Variants in PDE10A observed in about 807,000 individuals in gnomAD.
PDE10A encodes the protein phosphodiesterase 10A, also known as cAMP and cAMP-inhibited cGMP 3',5'-cyclic phosphodiesterase 10A.
PDE10A carries 39 observed loss-of-function variants against 97.7 expected under a neutral mutation model. That is an observed-to-expected ratio of 0.40 (90% CI 0.31 to 0.52). PDE10A has a LOEUF of 0.52. Ranked by LOEUF, PDE10A falls within the 20% of genes least tolerant of loss-of-function variation. The pLI, the probability that PDE10A is intolerant of heterozygous loss-of-function variation, is 0.56. For synonymous variants in PDE10A, 371 were observed against 376.8 expected (o/e 0.98, Z 0.18); for missense variants, 731 against 1,047.8 (o/e 0.70, Z 4.17).
At chr6:165,362,707 C>A (rs984897579) in intron 18 of PDE10A, among the ~76,000 whole-genome samples, 6 of 152,146 alleles carry the variant, frequency 3.9e-5, no homozygotes, top group Non-Finnish European at 8.8e-5. Context: ...TACTTCCCAG[C>A]TAATTCCATG....
At chr6:165,642,507 T>C (rs1789184791) in intron 1 of PDE10A, among the ~76,000 whole-genome samples, 2 of 152,244 alleles carry the variant, frequency 1.3e-5, no homozygotes, top group Admixed American at 6.5e-5. Context: ...GGTAGTGCTC[T>C]GCAAAGCACT....
intron 1 of PDE10A, among the ~76,000 whole-genome samples, chr6:165,942,110 G>C (rs962428396): frequency 8.6e-5 from 13 of 151,936 alleles, no homozygotes; most frequent in Admixed American, 8.5e-4. Context: ...GCACATTTGG[G>C]GTTTTCTCAT....
chr6:165,361,539 T>C (rs527643402), intron 18 of PDE10A, among the ~76,000 whole-genome samples: 2 of 152,278 alleles, frequency 1.3e-5, no homozygotes, highest in South Asian at 4.1e-4. Context: ...CTTCCAGACA[T>C]AATTCGTTAA....
intron 1 of PDE10A, among the ~76,000 whole-genome samples, chr6:165,734,251 G>C (rs915997545): frequency 3.9e-5 from 6 of 152,036 alleles, no homozygotes; most frequent in Non-Finnish European, 7.4e-5. Flanking sequence ...ACCCACACTG[G>C]GTGGGCTTCG....
chr6:165,618,178 C>A (rs1269212957), intron 1 of PDE10A, among the ~76,000 whole-genome samples: 1 of 152,148 alleles, frequency 6.6e-6, no homozygotes, highest in Non-Finnish European at 1.5e-5. Flanking sequence ...TGTATATTTG[C>A]TACATTGCTA....
rs931562943 is a variant in PDE10A, at chr6:165,327,765, G to C, written c.*5260C>G. 5.3e-5 allele frequency: 8 copies of C among 152,198 alleles called. No individual in the cohort carries two copies. Among genetic ancestry groups the C allele is most frequent in the African/African-American group, 1.9e-4 (8 of 41,446 alleles). 9.4% of individuals were successfully genotyped at this position (152,198 alleles called of 1,614,324 possible). A position where few individuals can be genotyped will look rare whatever the true frequency, so the allele number is the denominator to read the frequency against. ...ATCAACTATGATAAAGTTAGATACT[G>C]TTAACTTGAAATTCTTTCTCCTTCC... On this transcript the variant is annotated 3_prime_UTR_variant, in exon 22 of 22. Coordinates refer to ENST00000539869, the MANE Select transcript of PDE10A (RefSeq NM_001385079.1).
intron 1 of PDE10A, among the ~76,000 whole-genome samples, chr6:165,862,002 G>A (rs1780918530): frequency 6.6e-6 from 1 of 152,194 alleles, no homozygotes; most frequent in Non-Finnish European, 1.5e-5. Flanking sequence ...CACATGCAGT[G>A]CAGTCACATC....
intron 1 of PDE10A, among the ~76,000 whole-genome samples, chr6:165,619,659 ATAGTCTAGTGTAGTG>A (rs1382611302): frequency 7.5e-5 from 5 of 66,324 alleles, no homozygotes; most frequent in Non-Finnish European, 1.3e-4. Context: ...CTAGTGTAGT[ATAGTCTAGTGTAGTG>A]TAGTCTAGTG....
intron 1 of PDE10A, among the ~76,000 whole-genome samples, chr6:165,692,577 C>T (rs1051258315): frequency 5.3e-5 from 8 of 152,152 alleles, no homozygotes; most frequent in South Asian, 4.1e-4. Flanking sequence ...TGCTGGTCTT[C>T]GTGCCTGTCC....
At chr6:165,720,826 G>A (rs1582990732) in intron 1 of PDE10A, among the ~76,000 whole-genome samples, 1 of 152,270 alleles carries the variant, frequency 6.6e-6, no homozygotes, top group East Asian at 1.9e-4. Flanking sequence ...TCCAGAAATG[G>A]AAGGTGGTCT....
intron 1 of PDE10A, among the ~76,000 whole-genome samples, chr6:165,706,279 C>T (rs147487291): frequency 5.3e-4 from 81 of 151,892 alleles, no homozygotes; most frequent in Middle Eastern, 3.4e-3. Context: ...TAATGATTTC[C>T]CTTTGCCTTA....
chr6:165,485,081 T>C (rs1320957736), intron 2 of PDE10A, among the ~76,000 whole-genome samples: 2 of 152,196 alleles, frequency 1.3e-5, no homozygotes, highest in African/African-American at 2.4e-5. Flanking sequence ...ATGCACATTC[T>C]TCAAGTCCAC....
At chr6:165,491,518 T>G (rs1432261365) in intron 2 of PDE10A, among the ~76,000 whole-genome samples, 2 of 152,086 alleles carry the variant, frequency 1.3e-5, no homozygotes, top group Non-Finnish European at 2.9e-5. Flanking sequence ...TCAACAAATT[T>G]AAGAAAATCA....
chr6:165,725,375 C>T lies in PDE10A; in HGVS notation c.-614-181807G>A, dbSNP rs75602650. 8.1e-3 allele frequency among the ~76,000 whole-genome samples: 1,230 copies of T among 152,316 alleles called. 13 individuals are homozygous for T. The highest frequency in any genetic ancestry group is 0.011 in the Non-Finnish European group (781 of 68,028). Reference sequence around the variant, plus strand: ...ACTAGGGCTTTGGAAGCTGTACACACTCAACCCTAGAGGGTGCCATGGGGC... The same window carrying T: ...ACTAGGGCTTTGGAAGCTGTACACATTCAACCCTAGAGGGTGCCATGGGGC... On this transcript the variant is annotated intron_variant, in intron 1 of 19. Coordinates refer to the PDE10A transcript ENST00000366882.
chr6:165,334,300 T>A (rs1046259033), intron 21 of PDE10A, among the ~76,000 whole-genome samples: 3 of 146,358 alleles, frequency 2.0e-5, no homozygotes, highest in African/African-American at 7.7e-5. Context: ...GGCACGCGCC[T>A]CCATAGCGCC....
rs1254330682 is a variant in PDE10A at position 165,767,231 on chromosome 6, C to A, written c.-615+220298G>T. 2.0e-5 allele frequency among the ~76,000 whole-genome samples: 3 copies of A among 152,170 alleles called. No homozygotes were observed. In the East Asian group the frequency reaches 5.8e-4, roughly 29 times the overall value. On this transcript the variant is annotated intron_variant, in intron 1 of 19. Coordinates refer to the PDE10A transcript ENST00000366882. ...TGTTAGACTAGGGGACTAAAGAGAG[C>A]AACCAAGAGTTGTTTATGTAAATGT...
At position 165,839,846 on chromosome 6, in the gene PDE10A, C is replaced by CCCCATCCT. The variant is rs1361503707; in HGVS notation, c.-615+147682_-615+147683insAGGATGGG. On this transcript the variant is annotated intron_variant, in intron 1 of 19. Coordinates refer to the PDE10A transcript ENST00000366882. ...TCTCCAATCTCGTCTCCATTCTTAT[C>CCCCATCCT]ATCTCCATCCCTGTCTCCATTCCCA... Among the ~76,000 whole-genome samples, 7 of 143,604 alleles carry CCCCATCCT rather than the reference C, an allele frequency of 4.9e-5. No individual in the cohort carries two copies. In the East Asian group the frequency reaches 6.6e-4, roughly 14 times the overall value. 94.2% of individuals were successfully genotyped at this position (143,604 alleles called of 152,430 possible).
Position 165,418,745 on chromosome 6 carries a change from A to G in PDE10A, c.1686T>C (p.Arg562=). 6.2e-7 allele frequency: 1 copy of G among 1,613,762 alleles called. No homozygotes were observed. The highest frequency in any genetic ancestry group is 1.1e-5 in the South Asian group (1 of 91,078). ...TATGGTCCACCTGGAAAAGCGCACAACGATCGGCATTCACCAGGTTTTTTG... is the reference window on the plus strand; with the variant it reads ...TATGGTCCACCTGGAAAAGCGCACAGCGATCGGCATTCACCAGGTTTTTTG... ...IYAKNLVNAD[R]CALFQVDHKN... Residue 562 remains arginine (R), a synonymous_variant, in exon 11 of 22, where the codon CGT becomes CGC. Coordinates refer to ENST00000539869, the MANE Select transcript of PDE10A (RefSeq NM_001385079.1). This position sits in a 1 kb window ranked among gnomAD's most constrained non-coding sequence, Gnocchi z 4.8.
At chr6:165,892,521 T>A (rs557351767) in intron 1 of PDE10A, among the ~76,000 whole-genome samples, 1 of 152,342 alleles carries the variant, frequency 6.6e-6, no homozygotes, top group African/African-American at 2.4e-5. Flanking sequence ...TCATGGCAGC[T>A]GGCATGCTGG....
Sources: gnomAD v4.1 joint callset for allele counts (sites outside exome capture counted in the v4.1 genomes callset) on GRCh38, gnomAD v4.1.1 for gene constraint, Gnocchi (gnomAD v3.1) non-coding constraint, MANE v1.5 for transcripts, NCBI Gene and HGNC (gene_info 2026-07-23, HGNC 2026-07-21) for gene names.